DOCK1: variants seen among roughly 807,000 people sequenced by gnomAD.
DOCK1 encodes dedicator of cytokinesis protein 1.
DOCK1 carries 138 observed loss-of-function variants against 262.7 expected under a neutral mutation model. The observed-to-expected ratio is 0.53, with a 90% confidence interval of 0.46 to 0.61. DOCK1 has a LOEUF of 0.61. DOCK1 is among the 20% of genes least tolerant of loss of function. The probability of loss-of-function intolerance (pLI) is 0.00; values close to 1 mark genes in which losing one functional copy is unlikely to be tolerated. For synonymous variants in DOCK1, 866 were observed against 867.4 expected (o/e 1.00, Z 0.03); for missense variants, 1,908 against 2,370.7 (o/e 0.80, Z 4.05).
At chr10:127,314,569 C>CA (rs1298281169) in intron 29 of DOCK1, among the ~76,000 whole-genome samples, 1 of 151,960 alleles carries the variant, frequency 6.6e-6, no homozygotes, top group Non-Finnish European at 1.5e-5. Context: ...TACATAGAGG[C>CA]AAAACCTCAT....
chr10:127,346,740 C>G (rs1196906779), intron 31 of DOCK1, among the ~76,000 whole-genome samples: 1 of 152,252 alleles, frequency 6.6e-6, no homozygotes, highest in Non-Finnish European at 1.5e-5. Flanking sequence ...GTGTCGCCCC[C>G]TCAGGAGCCA....
At chr10:127,377,220 T>C (rs138703661) in intron 35 of DOCK1, among the ~76,000 whole-genome samples, 22 of 152,226 alleles carry the variant, frequency 1.4e-4, no homozygotes, top group African/African-American at 5.3e-4. Context: ...AAACCAGAGT[T>C]TTAAAGATAG....
intron 47 of DOCK1, among the ~76,000 whole-genome samples, chr10:127,433,007 T>C (rs890352346): frequency 2.6e-5 from 4 of 152,244 alleles, no homozygotes; most frequent in African/African-American, 9.6e-5. Context: ...TTGGAATGTG[T>C]TGACGCATCG....
At chr10:126,973,907 A>G (rs570895603) in intron 2 of DOCK1, among the ~76,000 whole-genome samples, 1 of 152,098 alleles carries the variant, frequency 6.6e-6, no homozygotes, top group East Asian at 1.9e-4. Flanking sequence ...CCTTTCCAGG[A>G]TATTACAGAG....
chr10:127,194,403 T>C (rs1463816319), intron 27 of DOCK1, among the ~76,000 whole-genome samples: 2 of 152,214 alleles, frequency 1.3e-5, no homozygotes, highest in African/African-American at 4.8e-5. Context: ...TTGCTAATCA[T>C]TCTTGCAAAA....
At chr10:127,401,822 C>G (rs1008319427) in intron 38 of DOCK1, among the ~76,000 whole-genome samples, 1 of 152,200 alleles carries the variant, frequency 6.6e-6, no homozygotes, top group African/African-American at 2.4e-5. Context: ...GACTAGCTAC[C>G]TGCTGTAACA....
intron 27 of DOCK1, among the ~76,000 whole-genome samples, chr10:127,225,446 C>A (rs2058600035): frequency 6.6e-6 from 1 of 152,178 alleles, no homozygotes; most frequent in South Asian, 2.1e-4. Context: ...CCTTTGAGAT[C>A]CCAGGCAAAT....
intron 1 of DOCK1, among the ~76,000 whole-genome samples, chr10:126,946,141 AC>A (rs1286424982): frequency 1.3e-5 from 2 of 152,166 alleles, no homozygotes; most frequent in Non-Finnish European, 2.9e-5. Flanking sequence ...TTCCCCTTTA[AC>A]CCTTTAAAAA....
intron 10 of DOCK1, among the ~76,000 whole-genome samples, chr10:127,003,215 C>A (rs1004921432): frequency 6.6e-6 from 1 of 151,868 alleles, no homozygotes; most frequent in African/African-American, 2.4e-5. Context: ...CCTGCGTGAA[C>A]CTGTGTGAAC....
At chr10:127,217,281 G>C (rs2058255059) in intron 27 of DOCK1, among the ~76,000 whole-genome samples, 1 of 152,170 alleles carries the variant, frequency 6.6e-6, no homozygotes, top group African/African-American at 2.4e-5. Context: ...CATTACCCCT[G>C]TGAAACTGCA....
intron 27 of DOCK1, among the ~76,000 whole-genome samples, chr10:127,195,836 G>T (rs2057091562): frequency 1.3e-5 from 2 of 152,288 alleles, no homozygotes; most frequent in South Asian, 2.1e-4. Flanking sequence ...CTGCACCGGG[G>T]TGTCCCGGCC....
At chr10:127,079,449 G>A (rs1467347851) in intron 23 of DOCK1, among the ~76,000 whole-genome samples, 1 of 152,224 alleles carries the variant, frequency 6.6e-6, no homozygotes, top group Non-Finnish European at 1.5e-5. Context: ...GGAAAACCTT[G>A]CATAGGCTGA....
At chr10:126,965,904 G>A (rs1458870647) in intron 1 of DOCK1, among the ~76,000 whole-genome samples, 1 of 152,106 alleles carries the variant, frequency 6.6e-6, no homozygotes, top group Non-Finnish European at 1.5e-5. Flanking sequence ...ATTTAAAACT[G>A]TATGGTATAT....
At chr10:127,127,394 T>C (rs2050029874) in intron 26 of DOCK1, among the ~76,000 whole-genome samples, 1 of 152,212 alleles carries the variant, frequency 6.6e-6, no homozygotes, top group Non-Finnish European at 1.5e-5. Context: ...ATAAACATTA[T>C]ATTGTTTAAA....
intron 31 of DOCK1, among the ~76,000 whole-genome samples, chr10:127,351,037 C>G (rs141675525): frequency 6.6e-6 from 1 of 152,150 alleles, no homozygotes; most frequent in Non-Finnish European, 1.5e-5. Context: ...GATTCAGGCT[C>G]AGGCTGGCCT....
chr10:127,410,951 AAAC>A (rs1376703754), intron 43 of DOCK1, 27 bp downstream of exon 43: 9 of 1,604,078 alleles, frequency 5.6e-6, no homozygotes, highest in Non-Finnish European at 7.7e-6. Context: ...CCACCAAACC[AAAC>A]AACAAAAAAT....
intron 33 of DOCK1, among the ~76,000 whole-genome samples, chr10:127,364,717 C>T (rs140872749): frequency 7.9e-5 from 12 of 152,168 alleles, no homozygotes; most frequent in African/African-American, 2.9e-4. Context: ...ATTATTCCAA[C>T]CGTGGACAGT....
At chr10:127,074,968 CCTGACCAA>C (rs2046428976) in intron 23 of DOCK1, among the ~76,000 whole-genome samples, 3 of 151,798 alleles carry the variant, frequency 2.0e-5, no homozygotes, top group Non-Finnish European at 4.4e-5. Context: ...TCGAGACTAG[CCTGACCAA>C]CTGACCAACA....
intron 27 of DOCK1, among the ~76,000 whole-genome samples, chr10:127,160,264 A>G (rs2053481664): frequency 6.6e-6 from 1 of 152,194 alleles, no homozygotes; most frequent in Non-Finnish European, 1.5e-5. Context: ...TAATTACAGT[A>G]CTAGTATTGG....
Sources: allele counts gnomAD v4.1 joint callset (sites outside exome capture counted in the v4.1 genomes callset), GRCh38; gene constraint gnomAD v4.1.1; transcripts MANE v1.5; gene names NCBI Gene and HGNC (gene_info 2026-07-23, HGNC 2026-07-21).